Variants in VSIG4 observed in about 807,000 individuals in gnomAD.
VSIG4 encodes the protein V-set and immunoglobulin domain containing 4.
A neutral mutation model predicts 23.4 loss-of-function variants in VSIG4; 34 were observed. The ratio of observed to expected loss-of-function variants is 1.45; its 90% CI spans 1.10 to 1.93. VSIG4 has a LOEUF of 1.93. Among genes scored for constraint, VSIG4 ranks in the 30% most tolerant of loss-of-function variants. VSIG4 has a pLI of 0.00. For missense variants in VSIG4, 433 were observed against 310.8 expected, an observed-to-expected ratio of 1.39 and a Z score of -2.96; for synonymous variants, 169 against 120.3, an observed-to-expected ratio of 1.41 and a Z score of -2.65.
At chrX:66,029,617 G>T (rs1254560711) in intron 3 of VSIG4, among the ~76,000 whole-genome samples, 2 of 111,591 alleles carry the variant, frequency 1.8e-5, no homozygotes, top group Non-Finnish European at 3.8e-5. Flanking sequence ...TTTTAAAAAA[G>T]AATATGAGAC....
intron 4 of VSIG4, 52 bp downstream of exon 4, chrX:66,027,998 G>A (rs1180159534): frequency 1.2e-5 from 13 of 1,110,603 alleles, no homozygotes; most frequent in African/African-American, 9.1e-5. Context: ...TCTTGGCTAC[G>A]ATGACACCAT....
intron 1 of VSIG4, among the ~76,000 whole-genome samples, chrX:66,037,472 T>A (rs1300367698): frequency 4.7e-4 from 28 of 60,092 alleles, no homozygotes; most frequent in East Asian, 3.6e-3. Flanking sequence ...ATAATATATA[T>A]AATAATTATA....
At chrX:66,031,313 T>G (rs1427125209) in intron 3 of VSIG4, among the ~76,000 whole-genome samples, 1 of 110,148 alleles carries the variant, frequency 9.1e-6, no homozygotes, top group African/African-American at 3.3e-5. Flanking sequence ...CCTCTCTGCT[T>G]GACCAGACTG....
At chrX:66,034,042 A>T (rs1301174492) in intron 1 of VSIG4, among the ~76,000 whole-genome samples, 1 of 111,835 alleles carries the variant, frequency 8.9e-6, no homozygotes, top group Admixed American at 9.5e-5. Flanking sequence ...CATTGTTTAG[A>T]TCTTGTGAGT....
chrX:66,039,958 G>C lies in VSIG4; in HGVS notation c.41C>G (p.Thr14Arg), dbSNP rs760758032. ...LLGLLLLGHL[T>R]VDTYGRPILE... ...TTCTGCCTTACCATAAGTGTCCACTGTTAGGTGCCCCAGGAGTAGCAGGCC... is the reference window on the plus strand; with the variant it reads ...TTCTGCCTTACCATAAGTGTCCACTCTTAGGTGCCCCAGGAGTAGCAGGCC... The change falls in exon 1 of 8, where the codon ACA becomes AGA. Residue 14 changes from threonine to arginine, a missense_variant. Coordinates refer to ENST00000374737, the MANE Select transcript of VSIG4 (RefSeq NM_007268.3). 2 of 1,211,628 alleles carry C rather than the reference G, an allele frequency of 1.7e-6. No homozygotes were observed. Among genetic ancestry groups the C allele is most frequent in the Non-Finnish European group, 1.1e-6 (1 of 895,322 alleles).
At chrX:66,023,085 T>C (rs1163088258) in intron 6 of VSIG4, among the ~76,000 whole-genome samples, 1 of 110,880 alleles carries the variant, frequency 9.0e-6, no homozygotes, top group Non-Finnish European at 1.9e-5. Flanking sequence ...GTCACTATCC[T>C]TTTTGTCATC....
At position 66,021,927 on chromosome X, in the gene VSIG4, G is replaced by T; in HGVS notation, c.*336C>A. 1 of 562,816 alleles carries T rather than the reference G, an allele frequency of 1.8e-6. No homozygotes were observed. Among genetic ancestry groups the T allele is most frequent in the Non-Finnish European group, 2.7e-6 (1 of 366,175 alleles). 46.4% of individuals were successfully genotyped at this position (562,816 alleles called of 1,213,427 possible). A position where few individuals can be genotyped will look rare whatever the true frequency, so the allele number is the denominator to read the frequency against. On this transcript the variant is annotated 3_prime_UTR_variant, in exon 8 of 8. Transcript: ENST00000374737. ...AGCTGGCAGAGCTGAGCCTCCCTCG[G>T]GTCTTCTGGTGGCAAGATGCCAAAG...
chrX:66,026,289 G>A (rs1012313536), intron 5 of VSIG4, among the ~76,000 whole-genome samples: 1 of 111,891 alleles, frequency 8.9e-6, no homozygotes, highest in Non-Finnish European at 1.9e-5. Flanking sequence ...AGTATTTGTG[G>A]TCCTCAGAGT....
Position 66,022,287 on chromosome X carries a change from G to A in VSIG4, c.1176C>T (p.Ala392=). The A allele has an allele frequency of 1.7e-6, 2 of 1,212,098 alleles. No homozygotes were observed. Among genetic ancestry groups the A allele is most frequent in the South Asian group, 1.8e-5 (1 of 57,009 alleles). The change falls in exon 8 of 8, where the codon GCC becomes GCT. Residue 392 remains alanine (A), a synonymous_variant. Transcript: ENST00000374737. ...TTTAACAGACACTTTTGCCCTCAGT[G>A]GCCAGAAACTCATAATCCAGAGGAA... The part of the protein sequence containing the change: ...DTVPLDYEFL[A]TEGKSVC
chrX:66,027,934 C>T (rs1365767141), intron 4 of VSIG4, 116 bp downstream of exon 4: 1 of 667,327 alleles, frequency 1.5e-6, no homozygotes, highest in Non-Finnish European at 2.4e-6. Context: ...GCTATGTTCT[C>T]TCTGAGGAAC....
intron 3 of VSIG4, among the ~76,000 whole-genome samples, chrX:66,031,724 A>G (rs2085466218): frequency 9.0e-6 from 1 of 111,236 alleles, no homozygotes; most frequent in Non-Finnish European, 1.9e-5. Flanking sequence ...TGGACTCTTC[A>G]TTTAAGCCTC....
chrX:66,022,637 G>GATCT, intron 7 of VSIG4, 137 bp from the exon 8 acceptor site: 1 of 1,127,718 alleles, frequency 8.9e-7, no homozygotes, highest in East Asian at 3.1e-5. Flanking sequence ...AAGGCAGATG[G>GATCT]ATCTAAATTA....
At chrX:66,024,296 A>T (rs887885870) in intron 6 of VSIG4, among the ~76,000 whole-genome samples, 1 of 112,312 alleles carries the variant, frequency 8.9e-6, no homozygotes, top group African/African-American at 3.2e-5. Flanking sequence ...TGCTTGAAAA[A>T]TTTGGTAAAT....
intron 1 of VSIG4, among the ~76,000 whole-genome samples, chrX:66,037,634 T>C (rs1267783273): frequency 1.2e-5 from 1 of 83,396 alleles, no homozygotes; most frequent in Non-Finnish European, 2.2e-5. Context: ...ATATATAATA[T>C]ATAATAATTA....
intron 2 of VSIG4, among the ~76,000 whole-genome samples, chrX:66,033,058 A>G (rs986755319): frequency 9.0e-6 from 1 of 111,648 alleles, no homozygotes; most frequent in East Asian, 2.8e-4. Context: ...GTTGTGGATT[A>G]TCAGGGCCAG....
At chrX:66,033,380 A>G in intron 2 of VSIG4, 94 bp downstream of exon 2, 1 of 813,445 alleles carries the variant, frequency 1.2e-6, no homozygotes, top group South Asian at 2.5e-5. Flanking sequence ...CCTCTGTATA[A>G]ACGAAGGCCT....
intron 1 of VSIG4, among the ~76,000 whole-genome samples, chrX:66,036,878 T>A (rs2085569380): frequency 2.4e-5 from 1 of 41,610 alleles, no homozygotes; most frequent in East Asian, 1.1e-3. Context: ...TTATATTATA[T>A]ATTATATTAT....
chrX:66,026,515 G>A (rs1054385738), intron 5 of VSIG4, among the ~76,000 whole-genome samples: 12 of 111,562 alleles, frequency 1.1e-4, no homozygotes, highest in African/African-American at 2.9e-4. Context: ...TGTTCTTCTC[G>A]GAGAGGAACG....
chrX:66,030,518 AG>A (rs1303566166), intron 3 of VSIG4, among the ~76,000 whole-genome samples: 1 of 110,859 alleles, frequency 9.0e-6, no homozygotes, highest in Non-Finnish European at 1.9e-5. Flanking sequence ...GTTCAGGAGG[AG>A]GGGCTTGTTG....
Sources: allele counts gnomAD v4.1 joint callset (sites outside exome capture counted in the v4.1 genomes callset), GRCh38; gene constraint gnomAD v4.1.1; transcripts MANE v1.5; gene names NCBI Gene and HGNC (gene_info 2026-07-23, HGNC 2026-07-21).